MTHFD2L: variants seen among roughly 807,000 people sequenced by gnomAD.
The protein encoded by MTHFD2L is bifunctional methylenetetrahydrofolate dehydrogenase/cyclohydrolase 2, mitochondrial.
In MTHFD2L, 29 loss-of-function variants were observed where a neutral mutation model predicts 34.9. That is an observed-to-expected ratio of 0.83 (90% CI 0.62 to 1.13). MTHFD2L has a LOEUF of 1.13. Ranked by LOEUF, MTHFD2L falls within the 50% of genes most tolerant of loss-of-function variation. The pLI is 0.00. For missense variants in MTHFD2L, 481 were observed against 446.5 expected (o/e 1.08, Z -0.70); for synonymous variants, 167 against 155.7 (o/e 1.07, Z -0.54).
At chr4:74,281,347 G>GTGTGTGTGTGTGTGTA in intron 6 of MTHFD2L, 78 bp from the exon 7 acceptor site, 1 of 1,343,368 alleles carries the variant, frequency 7.4e-7, no homozygotes, top group Non-Finnish European at 1.0e-6. Flanking sequence ...GTGTGTGTGT[G>GTGTGTGTGTGTGTGTA]TGTATTTTTA....
intron 6 of MTHFD2L, among the ~76,000 whole-genome samples, chr4:74,250,492 A>G (rs1189711111): frequency 2.0e-5 from 3 of 152,130 alleles, no homozygotes; most frequent in South Asian, 4.1e-4. Flanking sequence ...TGCCTTGTTC[A>G]TGGTTTTATC....
rs377221468 is a variant in MTHFD2L, at chr4:74,243,994, A to G, written c.805+18600A>G. ...CAATCTCTTGTTACTATTTGTTCCT[A>G]CTGTTGTTATGTGATTATTACATGT... On this transcript the variant is annotated intron_variant, in intron 6 of 7. Coordinates refer to ENST00000325278, the MANE Select transcript of MTHFD2L (RefSeq NM_001144978.3). Among the ~76,000 whole-genome samples, 8 of 152,296 alleles carry G rather than the reference A, an allele frequency of 5.3e-5. No individual in the cohort carries two copies. In the South Asian group the frequency reaches 1.7e-3, roughly 32 times the overall value.
At chr4:74,266,154 T>A (rs1448778239) in intron 6 of MTHFD2L, among the ~76,000 whole-genome samples, 2 of 152,206 alleles carry the variant, frequency 1.3e-5, no homozygotes, top group African/African-American at 4.8e-5. Flanking sequence ...TACTGGAACA[T>A]AGCAGAAACT....
At position 74,281,443 on chromosome 4, in the gene MTHFD2L, C is replaced by G. The variant is rs144825691; in HGVS notation, c.824C>G (p.Thr275Arg). 6.2e-7 allele frequency: 1 copy of G among 1,610,506 alleles called. No homozygotes were observed. The highest frequency in any genetic ancestry group is 8.5e-7 in the Non-Finnish European group (1 of 1,178,078). Residue 275 changes from threonine (T) to arginine (R), a missense_variant, in exon 7 of 8, where the codon ACG becomes AGG. Physicochemically the swap from Thr to Arg is moderately conservative, Grantham distance 71. Coordinates refer to ENST00000325278, the MANE Select transcript of MTHFD2L (RefSeq NM_001144978.3). Reference protein sequence around the residue: ...IVAAGIPKLITSDMVKEGAAV... With the variant: ...IVAAGIPKLIRSDMVKEGAAV... The stretch of plus-strand genomic sequence containing the variant: ...TTTTCAGGTATTCCAAAGTTGATTA[C>G]GTCTGATATGGTTAAAGAAGGTGCT...
chr4:74,148,347 T>TTTTATTTA (rs1298848631), intron 1 of MTHFD2L, among the ~76,000 whole-genome samples: 1 of 137,656 alleles, frequency 7.3e-6, no homozygotes, highest in Non-Finnish European at 1.5e-5. Context: ...TTCCCACACA[T>TTTTATTTA]TTTATTTATT....
intron 6 of MTHFD2L, 88 bp downstream of exon 6, chr4:74,225,482 G>A: frequency 9.4e-7 from 1 of 1,058,328 alleles, no homozygotes; most frequent in Non-Finnish European, 1.4e-6. Context: ...AGCTTTTTGA[G>A]AGAGTTAGCT....
At chr4:74,295,717 C>T (rs1749549139) in intron 7 of MTHFD2L, among the ~76,000 whole-genome samples, 2 of 152,152 alleles carry the variant, frequency 1.3e-5, no homozygotes, top group Non-Finnish European at 2.9e-5. Flanking sequence ...TTCCATGTCA[C>T]CTCCTTCAAC....
intron 1 of MTHFD2L, among the ~76,000 whole-genome samples, chr4:74,138,849 C>G (rs1179490052): frequency 6.6e-6 from 1 of 152,196 alleles, no homozygotes; most frequent in African/African-American, 2.4e-5. Context: ...GGGTTTATAT[C>G]CCAATCATTG....
upstream of MTHFD2L, among the ~76,000 whole-genome samples, chr4:74,119,383 T>C (rs1338803609): frequency 6.6e-6 from 1 of 152,082 alleles, no homozygotes; most frequent in Non-Finnish European, 1.5e-5. Context: ...CTAGCCAAAA[T>C]GAATAAAAAC....
chr4:74,263,482 T>G (rs951399192), intron 6 of MTHFD2L, among the ~76,000 whole-genome samples: 2 of 152,194 alleles, frequency 1.3e-5, no homozygotes, highest in Non-Finnish European at 2.9e-5. Context: ...TCCATTTTTT[T>G]TGTGTCATCT....
chr4:74,158,461 C>G, intron 1 of MTHFD2L, 180 bp downstream of exon 1: 1 of 265,886 alleles, frequency 3.8e-6, no homozygotes, highest in South Asian at 1.4e-4. Flanking sequence ...GTCGCAGTTG[C>G]CTCAGCTTGG....
In MTHFD2L at chr4:74,207,766, C is replaced by CTTTTTTTTTT. The variant is rs768932793; in HGVS notation, c.712+6403_712+6412dup. On this transcript the variant is annotated intron_variant, in intron 5 of 7. Transcript: ENST00000325278. ...AATTAACCCCAGTTGTGAAAAAGAA[C>CTTTTTTTTTT]TTTTTTTTTTTTTTTTGCCAGCCTG... 7.1e-3 allele frequency among the ~76,000 whole-genome samples: 907 copies of CTTTTTTTTTT among 128,370 alleles called. 46 individuals carry two copies. Among genetic ancestry groups the CTTTTTTTTTT allele is most frequent in the African/African-American group, 0.021 (686 of 32,576 alleles). 84.2% of individuals were successfully genotyped at this position (128,370 alleles called of 152,430 possible). A position where few individuals can be genotyped will look rare whatever the true frequency, so the allele number is the denominator to read the frequency against.
intron 1 of MTHFD2L, among the ~76,000 whole-genome samples, chr4:74,152,060 C>T (rs760559524): frequency 6.6e-6 from 1 of 152,020 alleles, no homozygotes; most frequent in Non-Finnish European, 1.5e-5. Context: ...TTTGTATTAT[C>T]GTTTAGTTGT....
intron 1 of MTHFD2L, among the ~76,000 whole-genome samples, chr4:74,138,528 A>T (rs1382243137): frequency 6.6e-6 from 1 of 152,192 alleles, no homozygotes; most frequent in Non-Finnish European, 1.5e-5. Flanking sequence ...GTTAAGCTCA[A>T]TTAGGACAAA....
At chr4:74,154,957 A>G (rs1724153032), upstream of MTHFD2L, among the ~76,000 whole-genome samples, 1 of 152,156 alleles carries the variant, frequency 6.6e-6, no homozygotes, top group Non-Finnish European at 1.5e-5. Flanking sequence ...TATCATATGG[A>G]TTATTCTAGC....
chr4:74,236,657 T>TG (rs1740885224), intron 6 of MTHFD2L, among the ~76,000 whole-genome samples: 1 of 152,262 alleles, frequency 6.6e-6, no homozygotes. Flanking sequence ...TATCTCTGCA[T>TG]GAAAAACAGG....
intron 6 of MTHFD2L, among the ~76,000 whole-genome samples, chr4:74,263,638 T>G (rs1039824719): frequency 1.3e-5 from 2 of 151,928 alleles, no homozygotes. Context: ...TGACTGGTGT[T>G]GTTATATAGG....
chr4:74,125,133 GAA>G (rs1310928387), upstream of MTHFD2L, among the ~76,000 whole-genome samples: 3 of 152,146 alleles, frequency 2.0e-5, no homozygotes, highest in Non-Finnish European at 4.4e-5. Context: ...AGAAGCACAA[GAA>G]AGTTTCGAAA....
chr4:74,151,502 T>C (rs1052082858), intron 1 of MTHFD2L, among the ~76,000 whole-genome samples: 2 of 152,334 alleles, frequency 1.3e-5, no homozygotes, highest in Non-Finnish European at 1.5e-5. Flanking sequence ...TACCTGAGAC[T>C]TGAACTCCAC....
Sources: allele counts gnomAD v4.1 joint callset (sites outside exome capture counted in the v4.1 genomes callset), GRCh38; gene constraint gnomAD v4.1.1; transcripts MANE v1.5; gene names NCBI Gene and HGNC (gene_info 2026-07-23, HGNC 2026-07-21).